FHIT: variants seen among roughly 807,000 people sequenced by gnomAD.
FHIT encodes the protein bis(5'-adenosyl)-triphosphatase.
A neutral mutation model predicts 17.9 loss-of-function variants in FHIT; 19 were observed. The observed-to-expected ratio is 1.06, with a 90% CI of 0.74 to 1.56. FHIT has a LOEUF of 1.56. Ranked by LOEUF, FHIT falls within the 40% of genes most tolerant of loss-of-function variation. The probability of loss-of-function intolerance (pLI) is 0.00; values close to 1 mark genes in which losing one functional copy is unlikely to be tolerated. For missense variants in FHIT, 248 were observed against 189.2 expected (o/e 1.31, Z -1.82); for synonymous variants, 81 against 69.7 (o/e 1.16, Z -0.81).
chr3:61,017,701 T>C (rs2032190823), intron 3 of FHIT, among the ~76,000 whole-genome samples: 1 of 152,224 alleles, frequency 6.6e-6, no homozygotes, highest in African/African-American at 2.4e-5. Flanking sequence ...AACAAATAAA[T>C]GATATGCTGA....
intron 2 of FHIT, among the ~76,000 whole-genome samples, chr3:61,056,159 C>T (rs555514476): frequency 1.7e-4 from 26 of 152,264 alleles, no homozygotes; most frequent in Middle Eastern, 3.4e-3. Flanking sequence ...GGATGGCTCA[C>T]GCCTGTAATC....
intron 8 of FHIT, among the ~76,000 whole-genome samples, chr3:59,809,899 C>T (rs1283296688): frequency 3.3e-5 from 5 of 152,148 alleles, no homozygotes; most frequent in East Asian, 1.9e-4. Flanking sequence ...AGCAAGCACA[C>T]GCTGGCTGAG....
At chr3:60,036,208 C>T (rs966809133) in intron 5 of FHIT, among the ~76,000 whole-genome samples, 1 of 152,224 alleles carries the variant, frequency 6.6e-6, no homozygotes, top group Non-Finnish European at 1.5e-5. Context: ...TCAATACCAT[C>T]AATGACTCCC....
At chr3:60,615,149 T>C (rs2038914130) in intron 4 of FHIT, among the ~76,000 whole-genome samples, 1 of 152,182 alleles carries the variant, frequency 6.6e-6, no homozygotes, top group African/African-American at 2.4e-5. Flanking sequence ...ATTGTTACCT[T>C]GGATTAACAG....
chr3:60,379,842 A>G (rs1346210085), intron 5 of FHIT, among the ~76,000 whole-genome samples: 1 of 152,224 alleles, frequency 6.6e-6, no homozygotes, highest in African/African-American at 2.4e-5. Context: ...TTGCAAAAGA[A>G]TACCTAGGTT....
At chr3:61,210,866 A>C (rs1042068680) in intron 1 of FHIT, among the ~76,000 whole-genome samples, 1 of 151,674 alleles carries the variant, frequency 6.6e-6, no homozygotes, top group Non-Finnish European at 1.5e-5. Context: ...CCTCAGTTGG[A>C]AATGCAGAAA....
chr3:60,045,460 T>C (rs1295594995), intron 5 of FHIT, among the ~76,000 whole-genome samples: 3 of 152,092 alleles, frequency 2.0e-5, no homozygotes, highest in African/African-American at 4.8e-5. Flanking sequence ...TCACCCACCA[T>C]CATGAGAACA....
chr3:60,181,901 G>A (rs1385981890), intron 5 of FHIT, among the ~76,000 whole-genome samples: 7 of 152,068 alleles, frequency 4.6e-5, no homozygotes, highest in Non-Finnish European at 1.0e-4. Flanking sequence ...ATCTCTACCT[G>A]TGATACATCA....
chr3:60,427,078 C>T (rs981319433), intron 5 of FHIT, among the ~76,000 whole-genome samples: 1 of 152,018 alleles, frequency 6.6e-6, no homozygotes, highest in Non-Finnish European at 1.5e-5. Flanking sequence ...CTGACCTATT[C>T]AGGTGAGCCA....
Position 60,609,092 on chromosome 3 carries a change from T to A in FHIT, c.-17-72113A>T, listed in dbSNP as rs111395703. 5.1e-3 allele frequency among the ~76,000 whole-genome samples: 772 copies of A among 152,084 alleles called. 2 individuals are homozygous for A. The highest frequency in any genetic ancestry group is 0.017 in the African/African-American group (716 of 41,466). On this transcript the variant is annotated intron_variant, in intron 4 of 9. Coordinates refer to ENST00000492590, the MANE Select transcript of FHIT (RefSeq NM_002012.4). ...GATTTTCTGCTGTTCCTACTCTGAA[T>A]GGACATGGATCATTTTCATGCCACT...
At chr3:60,582,368 T>C (rs142131908) in intron 4 of FHIT, among the ~76,000 whole-genome samples, 9 of 152,230 alleles carry the variant, frequency 5.9e-5, no homozygotes, top group African/African-American at 1.9e-4. Context: ...ACTTTCTCCC[T>C]TGAAGTTAAG....
intron 2 of FHIT, among the ~76,000 whole-genome samples, chr3:61,190,859 T>A (rs890889331): frequency 1.7e-4 from 25 of 145,004 alleles, no homozygotes; most frequent in African/African-American, 6.4e-4. Flanking sequence ...CATGTTCTCA[T>A]TCATAGCTGG....
At chr3:60,707,746 C>A (rs2041411175) in intron 4 of FHIT, among the ~76,000 whole-genome samples, 1 of 152,148 alleles carries the variant, frequency 6.6e-6, no homozygotes, top group South Asian at 2.1e-4. Flanking sequence ...TTTAAAATAA[C>A]ACTCACAGTT....
rs1467984103 is a variant in FHIT at position 59,774,597 on chromosome 3, A to G, written c.349-22276T>C. On this transcript the variant is annotated intron_variant, in intron 8 of 9. Transcript: ENST00000492590. ...AGTAGGTTCTCAATAAATGTTAGCC[A>G]CCATTAATATTACTGCTAGCAGTTA... Among the ~76,000 whole-genome samples the G allele has an allele frequency of 2.6e-5, 4 of 152,312 alleles. No individual in the cohort carries two copies. In the East Asian group the frequency reaches 7.7e-4, roughly 29 times the overall value.
chr3:60,595,294 G>A (rs1440683958), intron 4 of FHIT, among the ~76,000 whole-genome samples: 5 of 151,878 alleles, frequency 3.3e-5, no homozygotes, highest in African/African-American at 1.2e-4. Context: ...GAGAGCCAAC[G>A]AGGAGAAATT....
intron 5 of FHIT, among the ~76,000 whole-genome samples, chr3:60,503,025 C>A (rs9985430): frequency 6.6e-6 from 1 of 151,872 alleles, no homozygotes; most frequent in Admixed American, 6.6e-5. Flanking sequence ...AACAAAACAA[C>A]GAAACTACAT....
At chr3:59,992,760 T>A (rs3772500) in intron 7 of FHIT, among the ~76,000 whole-genome samples, 3 of 151,852 alleles carry the variant, frequency 2.0e-5, no homozygotes, top group South Asian at 2.1e-4. Flanking sequence ...GCCACAGACA[T>A]TGACATGCAG....
chr3:60,571,051 G>A (rs545609825), intron 4 of FHIT, among the ~76,000 whole-genome samples: 1 of 152,046 alleles, frequency 6.6e-6, no homozygotes, highest in South Asian at 2.1e-4. Context: ...ATAGAGGCTG[G>A]GCACAGTGGC....
intron 3 of FHIT, among the ~76,000 whole-genome samples, chr3:61,020,989 TA>T (rs1385025503): frequency 3.9e-5 from 6 of 152,166 alleles, no homozygotes; most frequent in Non-Finnish European, 7.3e-5. Flanking sequence ...CTAACTATCC[TA>T]AATATATATG....
Sources: gnomAD v4.1 joint callset for allele counts (sites outside exome capture counted in the v4.1 genomes callset) on GRCh38, gnomAD v4.1.1 for gene constraint, MANE v1.5 for transcripts, NCBI Gene and HGNC (gene_info 2026-07-23, HGNC 2026-07-21) for gene names.